Variants in PDC observed in about 807,000 individuals in gnomAD.
The protein encoded by PDC is 33 kDa phototransducing protein.
Under a neutral mutation model 22.2 loss-of-function variants are expected in PDC, and 19 were observed. The ratio of observed to expected loss-of-function variants is 0.86; its 90% confidence interval spans 0.60 to 1.26. The LOEUF is 1.26. PDC is among the 50% of genes most tolerant of loss of function. The probability of loss-of-function intolerance (pLI) is 0.00; values close to 1 mark genes in which losing one functional copy is unlikely to be tolerated. For missense variants in PDC, 274 were observed against 286.8 expected, an observed-to-expected ratio of 0.96 and a Z score of 0.32; for synonymous variants, 97 against 96.2, an observed-to-expected ratio of 1.01 and a Z score of -0.05.
At chr1:186,455,233 A>G (rs1027735387) in intron 1 of PDC, among the ~76,000 whole-genome samples, 1 of 152,144 alleles carries the variant, frequency 6.6e-6, no homozygotes, top group African/African-American at 2.4e-5. Flanking sequence ...CTCACATGAC[A>G]GAGAGTGGGT....
At chr1:186,458,441 A>G (rs983026170) in intron 1 of PDC, among the ~76,000 whole-genome samples, 7 of 149,806 alleles carry the variant, frequency 4.7e-5, no homozygotes, top group African/African-American at 1.0e-4. Context: ...TGGTTGTGCA[A>G]TATCAACCAG....
At chr1:186,458,261 G>T (rs1662510703) in intron 1 of PDC, among the ~76,000 whole-genome samples, 1 of 134,934 alleles carries the variant, frequency 7.4e-6, no homozygotes, top group Non-Finnish European at 1.5e-5. Flanking sequence ...TAGAAAGAAG[G>T]TTGAGACAAG....
At chr1:186,448,431 A>G (rs911270326) in intron 2 of PDC, among the ~76,000 whole-genome samples, 2 of 151,990 alleles carry the variant, frequency 1.3e-5, no homozygotes, top group African/African-American at 4.8e-5. Context: ...GAAGCTCTTA[A>G]TATATATTAG....
Position 186,444,319 on chromosome 1 carries a change from G to A in PDC, c.401C>T (p.Thr134Ile), listed in dbSNP as rs1332494225. 6.2e-7 allele frequency: 1 copy of A among 1,613,610 alleles called. No individual in the cohort carries two copies. The highest frequency in any genetic ancestry group is 1.1e-5 in the South Asian group (1 of 91,064). Reference protein sequence around the residue: ...LETIEKELKITTIVVHIYEDG... With the variant: ...LETIEKELKIITIVVHIYEDG... ...TTCATAAATGTGAACAACAATTGTGGTGATCTTCAGTTCCTTTTCAATTGT... is the reference window on the plus strand; with the variant it reads ...TTCATAAATGTGAACAACAATTGTGATGATCTTCAGTTCCTTTTCAATTGT... The change falls in exon 4 of 4, where the codon ACC becomes ATC. Residue 134 changes from threonine (T) to isoleucine (I), a missense_variant. Physicochemically the swap from Thr to Ile is moderately conservative, Grantham distance 89 (BLOSUM62 -1). Transcript: ENST00000391997.
intron 2 of PDC, among the ~76,000 whole-genome samples, chr1:186,446,929 A>G (rs71634162): frequency 1.3e-5 from 2 of 152,158 alleles, no homozygotes; most frequent in Non-Finnish European, 2.9e-5. Flanking sequence ...ATTACCTAAG[A>G]AAAAAACTTC....
chr1:186,452,123 A>G (rs1200974808), intron 1 of PDC, among the ~76,000 whole-genome samples: 1 of 152,236 alleles, frequency 6.6e-6, no homozygotes, highest in Non-Finnish European at 1.5e-5. Context: ...TGAGCCATTA[A>G]TAGATTTCAT....
intron 2 of PDC, among the ~76,000 whole-genome samples, chr1:186,447,752 A>G (rs1234217458): frequency 5.3e-5 from 8 of 152,034 alleles, no homozygotes; most frequent in Non-Finnish European, 1.0e-4. Context: ...TGTTTATATT[A>G]TATGCAGGCA....
chr1:186,448,118 T>C (rs1662273857), intron 2 of PDC, among the ~76,000 whole-genome samples: 1 of 152,212 alleles, frequency 6.6e-6, no homozygotes. Context: ...TGAAGAATCT[T>C]GTGCATACAT....
chr1:186,449,681 A>G (rs1662310419), intron 1 of PDC, among the ~76,000 whole-genome samples, 198 bp from the exon 2 acceptor site: 1 of 152,212 alleles, frequency 6.6e-6, no homozygotes, highest in Admixed American at 6.5e-5. Flanking sequence ...GTAAAAGGAC[A>G]TTAATTTAAC....
intron 1 of PDC, among the ~76,000 whole-genome samples, chr1:186,458,785 AG>A (rs1302508379): frequency 6.6e-6 from 1 of 152,344 alleles, no homozygotes; most frequent in Admixed American, 6.5e-5. Flanking sequence ...ATATGAGAAA[AG>A]ATGAAGAATG....
At position 186,454,327 on chromosome 1, in the gene PDC, C is replaced by T. The variant is rs751956835; in HGVS notation, c.-24-4844G>A. 3.3e-5 allele frequency among the ~76,000 whole-genome samples: 5 copies of T among 151,790 alleles called. No individual in the cohort carries two copies. The East Asian group carries it at 9.7e-4, about 29-fold the overall frequency. On this transcript the variant is annotated intron_variant, in intron 1 of 3. Transcript: ENST00000391997. The stretch of plus-strand genomic sequence containing the variant: ...CCAAGTAGCTGGGATTACAGGCACA[C>T]GCCACTATGCCCAGCTAATTTTTGT...
intron 1 of PDC, 50 bp from the exon 2 acceptor site, chr1:186,449,533 C>A: frequency 2.2e-6 from 2 of 922,598 alleles, no homozygotes; most frequent in Non-Finnish European, 3.6e-6. Context: ...CCAGGATGTA[C>A]ATACATATAT....
rs999976486 is a variant in PDC, at chr1:186,456,330, T to C, written c.-25+4729A>G. Among the ~76,000 whole-genome samples, 9 of 152,280 alleles carry C rather than the reference T, an allele frequency of 5.9e-5. 1 individual carries two copies. The highest frequency in any genetic ancestry group is 2.1e-4 in the South Asian group (1 of 4,826). ...GCATTTCAATAACTGTTACTATCCC[T>C]AGCAAACTAAAAGGTTGATGCTCAG... is the stretch of plus-strand genomic sequence containing the variant. On this transcript the variant is annotated intron_variant, in intron 1 of 3. Transcript: ENST00000391997.
intron 1 of PDC, among the ~76,000 whole-genome samples, chr1:186,455,145 CT>C (rs1662431762): frequency 6.6e-6 from 1 of 152,160 alleles, no homozygotes; most frequent in African/African-American, 2.4e-5. Flanking sequence ...CTAAAAGTCT[CT>C]AATCAAGATC....
chr1:186,458,276 C>A (rs1571727972), intron 1 of PDC, among the ~76,000 whole-genome samples: 1 of 121,798 alleles, frequency 8.2e-6, no homozygotes. Flanking sequence ...GACAAGAGCA[C>A]AACTTTTAAT....
At chr1:186,453,686 C>A (rs1662397548) in intron 1 of PDC, among the ~76,000 whole-genome samples, 1 of 152,132 alleles carries the variant, frequency 6.6e-6, no homozygotes, top group Admixed American at 6.5e-5. Context: ...TCTTGTTGTA[C>A]CTCTTATAAT....
chr1:186,459,992 C>A (rs1662550238), intron 1 of PDC, among the ~76,000 whole-genome samples: 1 of 150,700 alleles, frequency 6.6e-6, no homozygotes, highest in Admixed American at 6.6e-5. Context: ...GTGTTCTTTT[C>A]TTTTAAAAAC....
intron 2 of PDC, among the ~76,000 whole-genome samples, chr1:186,446,806 C>A (rs1352869789): frequency 2.6e-5 from 4 of 152,032 alleles, no homozygotes; most frequent in Non-Finnish European, 5.9e-5. Flanking sequence ...AACATTTGTA[C>A]TAATGAAAAT....
intron 3 of PDC, among the ~76,000 whole-genome samples, chr1:186,445,340 T>TA (rs1478686136): frequency 2.0e-5 from 3 of 152,216 alleles, no homozygotes; most frequent in Non-Finnish European, 4.4e-5. Flanking sequence ...TAGATTATGT[T>TA]ATCTAATCCT....
Sources: gnomAD v4.1 joint callset for allele counts (sites outside exome capture counted in the v4.1 genomes callset) on GRCh38, gnomAD v4.1.1 for gene constraint, MANE v1.5 for transcripts, NCBI Gene and HGNC (gene_info 2026-07-23, HGNC 2026-07-21) for gene names.